PYGL: variants seen among roughly 807,000 people sequenced by gnomAD.
PYGL encodes the protein glycogen phosphorylase, liver form.
A neutral mutation model predicts 100.1 loss-of-function variants in PYGL; 90 were observed. The observed-to-expected ratio is 0.90, with a 90% CI of 0.76 to 1.07. The LOEUF (loss-of-function observed/expected upper bound fraction) is 1.07. Ranked by LOEUF, PYGL falls within the 50% of genes least tolerant of loss-of-function variation. The pLI is 0.00. For missense variants in PYGL, 1,016 were observed against 1,057.6 expected (o/e 0.96, Z 0.55); for synonymous variants, 373 against 393.0 (o/e 0.95, Z 0.60).
At chr14:50,914,520 T>TAATAATAAA (rs1566502569) in intron 12 of PYGL, among the ~76,000 whole-genome samples, 181 bp downstream of exon 12, 5 of 150,606 alleles carry the variant, frequency 3.3e-5, no homozygotes, top group African/African-American at 1.2e-4. Context: ...ATAATAATAA[T>TAATAATAAA]AAATAATTTC....
rs760213335 is a variant in PYGL, at chr14:50,916,594, G to A, written c.1092+48C>T. On this transcript the variant is annotated intron_variant, in intron 9 of 19. Transcript: ENST00000216392. The stretch of plus-strand genomic sequence containing the variant: ...GGGAGTTTTTGGCAGTCTTTCAACT[G>A]CAGCCATTCTGGTTAATTAAAGGAA... 5 of 1,515,070 alleles carry A rather than the reference G, an allele frequency of 3.3e-6. No homozygotes were observed. In the Admixed American group the frequency reaches 8.4e-5, roughly 25 times the overall value. The allele number at this position is 1,515,070 out of a possible 1,614,324, so 93.9% of individuals were successfully genotyped here.
chr14:50,906,990 T>C (rs1445717288), intron 19 of PYGL, among the ~76,000 whole-genome samples: 1 of 152,280 alleles, frequency 6.6e-6, no homozygotes, highest in East Asian at 1.9e-4. Flanking sequence ...TAGAAAGAAA[T>C]GTTAGTAAAA....
rs1042210 is a variant in PYGL at position 50,909,927 on chromosome 14, C to T, written c.2145G>A (p.Arg715=). ...TGTCCAAAGCAGCCACATCATCTAT[C>T]CTCATGCCAAAGATGAACAGGTTCT... ...GEENLFIFGM[R]IDDVAALDKK... The change falls in exon 17 of 20, where the codon AGG becomes AGA. Residue 715 remains arginine (R), a synonymous_variant. Transcript: ENST00000216392. 1 of 1,614,200 alleles carries T rather than the reference C, an allele frequency of 6.2e-7. No individual in the cohort carries two copies.
chr14:50,940,234 CAT>C (rs1361016360), intron 1 of PYGL, among the ~76,000 whole-genome samples: 2 of 151,788 alleles, frequency 1.3e-5, no homozygotes, highest in Non-Finnish European at 2.9e-5. Flanking sequence ...AAAATCCTTC[CAT>C]GTGTGTATTT....
At chr14:50,909,133 T>TTTC (rs1217227517) in intron 17 of PYGL, among the ~76,000 whole-genome samples, 178 bp from the exon 18 acceptor site, 3 of 152,224 alleles carry the variant, frequency 2.0e-5, no homozygotes, top group African/African-American at 7.2e-5. Context: ...TCTGTAAGTT[T>TTTC]TTCTTCCTGT....
rs12887874 is a variant in PYGL at position 50,913,418 on chromosome 14, C to A, written c.1519-288G>T. 9.1e-3 allele frequency: 1,471 copies of A among 161,756 alleles called. 10 individuals carry two copies. Among genetic ancestry groups the A allele is most frequent in the Non-Finnish European group, 0.014 (1,054 of 76,042 alleles). 10.0% of individuals were successfully genotyped at this position (161,756 alleles called of 1,614,324 possible). ...ATGGAGTCTCGCTCTGTCGCCCAGG[C>A]TGGAGTACAGTGGCACGATCTCGGC... On this transcript the variant is annotated intron_variant, in intron 12 of 19. Transcript: ENST00000216392.
rs745756440 is a variant in PYGL, at chr14:50,908,953, T to G, written c.2180A>C (p.Tyr727Ser). The change falls in exon 18 of 20, where the codon TAC becomes TCC. Residue 727 changes from tyrosine to serine, a missense_variant and splice_region_variant. Transcript: ENST00000216392. ...TGCCTCATAGTATTCTTTTGCCTCGTACCTGTGGGGTAGGGGTGGGTGGGT... is the reference window on the plus strand; with the variant it reads ...TGCCTCATAGTATTCTTTTGCCTCGGACCTGTGGGGTAGGGGTGGGTGGGT... ...DDVAALDKKG[Y>S]EAKEYYEALP... The G allele has an allele frequency of 1.6e-5, 24 of 1,524,004 alleles. No individual in the cohort carries two copies. Among genetic ancestry groups the G allele is most frequent in the Non-Finnish European group, 2.1e-5 (23 of 1,105,608 alleles). The allele number at this position is 1,524,004 out of a possible 1,614,324, so 94.4% of individuals were successfully genotyped here.
chr14:50,919,824 G>T (rs1453092480), intron 7 of PYGL, among the ~76,000 whole-genome samples: 3 of 152,082 alleles, frequency 2.0e-5, no homozygotes, highest in African/African-American at 7.2e-5. Context: ...TGGGATTACA[G>T]GCGCCTACCA....
In PYGL at chr14:50,912,164, A is replaced by T; in HGVS notation, c.1760T>A (p.Met587Lys). The T allele has an allele frequency of 1.2e-6, 2 of 1,614,210 alleles. No individual in the cohort carries two copies. Among genetic ancestry groups the T allele is most frequent in the Non-Finnish European group, 1.7e-6 (2 of 1,180,046 alleles). Residue 587 changes from methionine (M) to lysine (K), a missense_variant, in exon 14 of 20, where the codon ATG becomes AAG. By Grantham distance (95) the Met-to-Lys change is moderately conservative (BLOSUM62 -1). Transcript: ENST00000216392. ...QLLNCLHVIT[M>K]YNRIKKDPKK... ...CTACAGGGCTGACTCACGGTTGTAC[A>T]TCGTGATCACATGCAGACAGTTCAA...
intron 7 of PYGL, among the ~76,000 whole-genome samples, chr14:50,917,930 T>C (rs11847031): frequency 0.21 from 31,296 of 152,026 alleles, 4,392 homozygotes; most frequent in African/African-American, 0.41. Flanking sequence ...GTAACTTCTA[T>C]TAAAAATGTG....
At chr14:50,918,216 C>A (rs200407463) in intron 7 of PYGL, among the ~76,000 whole-genome samples, 2 of 107,884 alleles carry the variant, frequency 1.9e-5, no homozygotes, top group Non-Finnish European at 4.2e-5. Flanking sequence ...AAAGGGAACA[C>A]TTTTTACACT....
chr14:50,927,896 A>G (rs2050567086), intron 4 of PYGL, among the ~76,000 whole-genome samples: 1 of 152,070 alleles, frequency 6.6e-6, no homozygotes, highest in East Asian at 1.9e-4. Context: ...GAATTGACAA[A>G]TTGATCTGTA....
In PYGL at chr14:50,937,772, G is replaced by A. The variant is rs773420518; in HGVS notation, c.309C>T (p.Leu103=). Residue 103 remains leucine, a synonymous_variant, in exon 2 of 20, where the codon CTC becomes CTT. Coordinates refer to ENST00000216392, the MANE Select transcript of PYGL (RefSeq NM_002863.5). ...GRTLQNTMIN[L]GLQNACDEAI... ...CCTCATCACAGGCATTTTGCAGACC[G>A]AGGTTGATCATGGTGTTCTGTAATG... The A allele has an allele frequency of 1.2e-6, 2 of 1,614,004 alleles. No homozygotes were observed. Among genetic ancestry groups the A allele is most frequent in the African/African-American group, 1.3e-5 (1 of 74,916 alleles).
At chr14:50,928,954 A>T (rs766917539) in intron 4 of PYGL, among the ~76,000 whole-genome samples, 3 of 152,262 alleles carry the variant, frequency 2.0e-5, no homozygotes, top group Non-Finnish European at 4.4e-5. Context: ...AAGTAAAATT[A>T]TATACCCTTC....
intron 6 of PYGL, 151 bp downstream of exon 6, chr14:50,920,805 C>T (rs572909904): frequency 3.2e-5 from 32 of 987,784 alleles, no homozygotes; most frequent in South Asian, 3.2e-4. Flanking sequence ...AATGCCCTCC[C>T]TACTTCCTCC....
At chr14:50,931,095 T>C (rs1038008288) in intron 4 of PYGL, among the ~76,000 whole-genome samples, 2 of 151,716 alleles carry the variant, frequency 1.3e-5, no homozygotes, top group African/African-American at 4.9e-5. Context: ...TTTCATCTTA[T>C]AAAAAAATCA....
intron 3 of PYGL, among the ~76,000 whole-genome samples, chr14:50,933,937 G>A (rs1428580998): frequency 1.3e-5 from 2 of 152,090 alleles, no homozygotes; most frequent in Non-Finnish European, 2.9e-5. Flanking sequence ...TTTTAATTTG[G>A]AGATCTAGCT....
rs147154732 is a variant in PYGL at position 50,915,374 on chromosome 14, G to A, written c.1365C>T (p.Gly455=). The part of the protein sequence containing the change: ...LCIVGSHAVN[G]VAKIHSDIVK... ...CGATGTCTGAGTGGATTTTAGCCAC[G>A]CCATTCACAGCATGGGAACCGACAA... is the stretch of plus-strand genomic sequence containing the variant. The change falls in exon 11 of 20, where the codon GGC becomes GGT. Residue 455 remains glycine (G), a synonymous_variant. Transcript: ENST00000216392. 44 of 1,614,090 alleles carry A rather than the reference G, an allele frequency of 2.7e-5. No individual in the cohort carries two copies. The African/African-American group carries it at 5.3e-4, about 20-fold the overall frequency.
chr14:50,908,385 T>A, intron 18 of PYGL, 48 bp from the exon 19 acceptor site: 1 of 1,421,678 alleles, frequency 7.0e-7, no homozygotes, highest in Non-Finnish European at 9.9e-7. Context: ...AAATCTTCAT[T>A]AATAGATATA....
Sources: allele counts gnomAD v4.1 joint callset (sites outside exome capture counted in the v4.1 genomes callset), GRCh38; gene constraint gnomAD v4.1.1; transcripts MANE v1.5; gene names NCBI Gene and HGNC (gene_info 2026-07-23, HGNC 2026-07-21).